Variants in STARD9 observed in about 807,000 individuals in gnomAD.
STARD9 encodes the protein StAR related lipid transfer domain containing 9.
Under a neutral mutation model 399.8 loss-of-function variants are expected in STARD9, and 346 were observed. That is an observed-to-expected ratio of 0.87 (90% CI 0.79 to 0.95). The LOEUF is 0.95. STARD9 is among the 40% of genes least tolerant of loss of function. STARD9 has a pLI of 0.00. For synonymous variants in STARD9, 2,203 were observed against 2,143.5 expected (o/e 1.03, Z -0.77); for missense variants, 5,832 against 5,667.5 (o/e 1.03, Z -0.93).
At position 42,665,260 on chromosome 15, in the gene STARD9, A is replaced by G; in HGVS notation, c.1184A>G (p.Asn395Ser). ...INKPRVNEDA[N>S]LKLIRELREE... ...GAGTTCTCTGTGTTTCAGGATGCAA[A>G]CTTAAAACTGATTAGAGAACTCAGA... Residue 395 changes from asparagine (N) to serine (S), a missense_variant, in exon 14 of 33, where the codon AAC (asparagine) becomes AGC (serine). Around this residue, in one of 2 missense-constraint regions of STARD9, gnomAD observed 5,828 missense variants for 5,651.1 expected, o/e 1.03. Coordinates refer to ENST00000290607, the MANE Select transcript of STARD9 (RefSeq NM_020759.3). 1 of 1,536,944 alleles carries G rather than the reference A, an allele frequency of 6.5e-7. No homozygotes were observed. Among genetic ancestry groups the G allele is most frequent in the Non-Finnish European group, 8.7e-7 (1 of 1,146,674 alleles).
At position 42,686,875 on chromosome 15, in the gene STARD9, G is replaced by A. The variant is rs1160034489; in HGVS notation, c.5297G>A (p.Cys1766Tyr). 6.5e-7 allele frequency: 1 copy of A among 1,537,034 alleles called. No homozygotes were observed. Among genetic ancestry groups the A allele is most frequent in the African/African-American group, 1.4e-5 (1 of 73,156 alleles). ...LTETALEIPACREVRVPSPPP... is the reference protein window; with the variant it reads ...LTETALEIPAYREVRVPSPPP... ...GAAACTGCCTTAGAGATTCCAGCTT[G>A]CAGAGAAGTAAGGGTACCCTCCCCA... The change falls in exon 23 of 33, where the codon TGC (cysteine) becomes TAC (tyrosine). Residue 1766 changes from cysteine (C) to tyrosine (Y), a missense_variant. Physicochemically the swap from Cys to Tyr is radical, Grantham distance 194 (BLOSUM62 -2). Coordinates refer to ENST00000290607, the MANE Select transcript of STARD9 (RefSeq NM_020759.3).
At chr15:42,595,933 C>T (rs769811390) in intron 3 of STARD9, among the ~76,000 whole-genome samples, 23 of 152,124 alleles carry the variant, frequency 1.5e-4, no homozygotes, top group African/African-American at 4.8e-4. Context: ...TTGTTTTTTC[C>T]GTCTTTAGAA....
chr15:42,691,575 C>T lies in STARD9; in HGVS notation c.9997C>T (p.Arg3333Cys), dbSNP rs1402784312. 1.2e-5 allele frequency: 19 copies of T among 1,537,146 alleles called. No homozygotes were observed. The Admixed American group carries it at 2.2e-4, about 17-fold the overall frequency. The change falls in exon 23 of 33, where the codon CGT becomes TGT. Residue 3333 changes from arginine (R) to cysteine (C), a missense_variant. Around this residue, in one of 2 missense-constraint regions of STARD9, gnomAD observed 5,828 missense variants for 5,651.1 expected, o/e 1.03. Transcript: ENST00000290607. ...ACAGTTCTCAGTTGTCGGCTCTTCT[C>T]GTTCTCTTCAGGAGCTGAACTTGAG... is the stretch of plus-strand genomic sequence containing the variant. ...TPQFSVVGSS[R>C]SLQELNLSVE... is the part of the protein sequence containing the mutation.
intron 9 of STARD9, among the ~76,000 whole-genome samples, chr15:42,657,847 A>G (rs1203668009): frequency 6.6e-6 from 1 of 152,264 alleles, no homozygotes; most frequent in Non-Finnish European, 1.5e-5. Flanking sequence ...GATTTTTAAT[A>G]AAGTTGCAAA....
chr15:42,581,363 G>C lies in STARD9; in HGVS notation c.48-1983G>C, dbSNP rs1322323830. 1.0e-5 allele frequency: 15 copies of C among 1,463,422 alleles called. No homozygotes were observed. The Middle Eastern group carries it at 1.8e-3, about 171-fold the overall frequency. 90.7% of individuals were successfully genotyped at this position (1,463,422 alleles called of 1,614,324 possible). ...GAGTTTCTCCTGGTGTGGTGGAGAA[G>C]AGCGTCCCCTCGGGCGTGGTGCAAT... On this transcript the variant is annotated intron_variant, in intron 1 of 32. Transcript: ENST00000290607.
chr15:42,693,105 C>T lies in STARD9; in HGVS notation c.11527C>T (p.Pro3843Ser). 2.0e-6 allele frequency: 3 copies of T among 1,537,092 alleles called. No individual in the cohort carries two copies. The highest frequency in any genetic ancestry group is 2.6e-6 in the Non-Finnish European group (3 of 1,146,884). The stretch of plus-strand genomic sequence containing the variant: ...CCCCTCAGTTTCTGATGCTTTCCTG[C>T]CTCCCAGCTCCCAGCCAGAGGAGTC... ...VSPSVSDAFL[P>S]PSSQPEESYC... The change falls in exon 23 of 33, where the codon CCT (proline) becomes TCT (serine). Residue 3843 changes from proline (P) to serine (S), a missense_variant. Physicochemically the swap from Pro to Ser is moderately conservative, Grantham distance 74. This residue lies in a region of STARD9 where 5,828 missense variants were observed against 5,651.1 expected (regional missense o/e 1.03). Coordinates refer to ENST00000290607, the MANE Select transcript of STARD9 (RefSeq NM_020759.3).
At chr15:42,703,236 A>G (rs1239393905) in intron 26 of STARD9, among the ~76,000 whole-genome samples, 1 of 151,972 alleles carries the variant, frequency 6.6e-6, no homozygotes. Context: ...CTCAATATTT[A>G]TATCTTTCTC....
chr15:42,637,801 G>T, intron 4 of STARD9, 106 bp from the exon 5 acceptor site: 1 of 1,155,628 alleles, frequency 8.7e-7, no homozygotes, highest in Admixed American at 2.0e-5. Flanking sequence ...CTAGCACAAG[G>T]AGTCCATGCA....
chr15:42,660,951 G>T lies in STARD9; in HGVS notation c.703-207G>T, dbSNP rs865895587. ...AAGTTCTGCTGGTGTTTTTTGTTTT[G>T]TTTTTTTTTTTTGAAGTGATGATCC... On this transcript the variant is annotated intron_variant, in intron 9 of 32. Coordinates refer to ENST00000290607, the MANE Select transcript of STARD9 (RefSeq NM_020759.3). 8.8e-3 allele frequency among the ~76,000 whole-genome samples: 1,275 copies of T among 144,136 alleles called. 23 individuals carry two copies. Among genetic ancestry groups the T allele is most frequent in the African/African-American group, 0.03 (1,181 of 39,870 alleles). 94.6% of individuals were successfully genotyped at this position (144,136 alleles called of 152,430 possible). A position where few individuals can be genotyped will look rare whatever the true frequency, so the allele number is the denominator to read the frequency against.
Position 42,652,458 on chromosome 15 carries a change from T to G in STARD9, c.630-62T>G, listed in dbSNP as rs2141995093. ...TAACATTTCTTGTATTCTGTATGGA[T>G]CCTTAAGAATCCACCATGTGTAAAC... is the stretch of plus-strand genomic sequence containing the variant. On this transcript the variant is annotated intron_variant, in intron 8 of 32. Transcript: ENST00000290607. 14 of 1,348,240 alleles carry G rather than the reference T, an allele frequency of 1.0e-5. No individual in the cohort carries two copies. The South Asian group carries it at 1.2e-4, about 12-fold the overall frequency. 83.5% of individuals were successfully genotyped at this position (1,348,240 alleles called of 1,614,324 possible). A position where few individuals can be genotyped will look rare whatever the true frequency, so the allele number is the denominator to read the frequency against.
Position 42,694,738 on chromosome 15 carries a change from G to T in STARD9, c.12962+13G>T. 1 of 1,535,770 alleles carries T rather than the reference G, an allele frequency of 6.5e-7. No homozygotes were observed. The highest frequency in any genetic ancestry group is 1.2e-5 in the South Asian group (1 of 83,954). Reference sequence around the variant, plus strand: ...TGGAGACCACCAGGTAGTGTGGACCGAGAACCCTGCTGGGAGCAGGCTCTG... The same window carrying T: ...TGGAGACCACCAGGTAGTGTGGACCTAGAACCCTGCTGGGAGCAGGCTCTG... On this transcript the variant is annotated intron_variant, in intron 24 of 32. Transcript: ENST00000290607.
intron 3 of STARD9, among the ~76,000 whole-genome samples, chr15:42,629,115 G>C (rs113567591): frequency 0.083 from 12,607 of 152,012 alleles, 1,510 homozygotes; most frequent in African/African-American, 0.26. Context: ...GACCTCCTGG[G>C]TGCAAGCAAT....
intron 3 of STARD9, among the ~76,000 whole-genome samples, chr15:42,614,359 C>A (rs1484709049): frequency 6.6e-6 from 1 of 151,468 alleles, no homozygotes; most frequent in Non-Finnish European, 1.5e-5. Context: ...AAAGAAAAAG[C>A]AGTTCAGTAG....
In STARD9 at chr15:42,652,500, GT is replaced by G. The variant is rs2059782917; in HGVS notation, c.630-15del. The stretch of plus-strand genomic sequence containing the variant: ...TGTGTAAACAATCCTCGTCCTAACA[GT>G]TTTTCCTTGTATACACAGAATCACA... On this transcript the variant is annotated intron_variant, in intron 8 of 32. Transcript: ENST00000290607. 1.3e-6 allele frequency: 2 copies of G among 1,535,684 alleles called. No individual in the cohort carries two copies. The highest frequency in any genetic ancestry group is 1.7e-6 in the Non-Finnish European group (2 of 1,145,596).
intron 9 of STARD9, among the ~76,000 whole-genome samples, chr15:42,655,420 A>C (rs1227351537): frequency 6.6e-6 from 1 of 152,266 alleles, no homozygotes; most frequent in East Asian, 1.9e-4. Flanking sequence ...TAGAAAATGC[A>C]GAAATAAAGC....
At chr15:42,595,208 G>A (rs1330302048) in intron 3 of STARD9, among the ~76,000 whole-genome samples, 3 of 152,116 alleles carry the variant, frequency 2.0e-5, no homozygotes, top group African/African-American at 7.2e-5. Flanking sequence ...AAGGTGAGGA[G>A]GAATTTGAGA....
intron 26 of STARD9, among the ~76,000 whole-genome samples, chr15:42,699,456 C>G (rs2060916261): frequency 7.1e-6 from 1 of 140,642 alleles, no homozygotes; most frequent in East Asian, 2.1e-4. Context: ...TGCAGTGGCT[C>G]AATCTCGGCT....
At position 42,636,209 on chromosome 15, in the gene STARD9, T is replaced by C. The variant is rs189193514; in HGVS notation, c.351+1237T>C. 5.2e-3 allele frequency among the ~76,000 whole-genome samples: 794 copies of C among 152,256 alleles called. 25 individuals are homozygous for C. Among genetic ancestry groups the C allele is most frequent in the Non-Finnish European group, 2.0e-3 (138 of 68,008 alleles). ...TACTTAGGAGGCTGAGGTGGGAGGA[T>C]GGCTTCAGCCTGGGAGGTTGAGGCT... On this transcript the variant is annotated intron_variant, in intron 4 of 32. Coordinates refer to ENST00000290607, the MANE Select transcript of STARD9 (RefSeq NM_020759.3).
At position 42,651,044 on chromosome 15, in the gene STARD9, T is replaced by C. The variant is rs954199713; in HGVS notation, c.588T>C (p.Tyr196=). 4.6e-6 allele frequency: 7 copies of C among 1,534,790 alleles called. No individual in the cohort carries two copies. The Admixed American group carries it at 5.9e-5, about 13-fold the overall frequency. ...QGLSQHVVTN[Y]KQVIQLLEEG... is the part of the protein sequence containing the mutation. Reference sequence around the variant, plus strand: ...TATCTCAACATGTAGTTACCAATTATAAGCAAGTAATCCAACTCTTGGAGG... The same window carrying C: ...TATCTCAACATGTAGTTACCAATTACAAGCAAGTAATCCAACTCTTGGAGG... The change falls in exon 8 of 33, where the codon TAT becomes TAC. Residue 196 remains tyrosine, a synonymous_variant. Transcript: ENST00000290607.
Sources: gnomAD v4.1 joint callset for allele counts (sites outside exome capture counted in the v4.1 genomes callset) on GRCh38, gnomAD v4.1.1 for gene constraint, gnomAD v4.1.1 regional missense constraint, MANE v1.5 for transcripts, NCBI Gene and HGNC (gene_info 2026-07-23, HGNC 2026-07-21) for gene names.